Variants in MYO7A observed in about 807,000 individuals in gnomAD.
MYO7A encodes unconventional myosin-VIIa.
A neutral mutation model predicts 263.8 loss-of-function variants in MYO7A; 210 were observed. The ratio of observed to expected loss-of-function variants is 0.80; its 90% confidence interval spans 0.71 to 0.89. MYO7A has a LOEUF of 0.89. MYO7A is among the 40% of genes least tolerant of loss of function. The pLI, the probability that MYO7A is intolerant of heterozygous loss-of-function variation, is 0.00. For synonymous variants in MYO7A, 1,239 were observed against 1,197.3 expected, an observed-to-expected ratio of 1.03 and a Z score of -0.72; for missense variants, 2,820 against 2,968.3, an observed-to-expected ratio of 0.95 and a Z score of 1.16.
rs796678537 is a variant in MYO7A at position 77,199,478 on chromosome 11, G to A, written c.4569-57G>A. On this transcript the variant is annotated intron_variant, in intron 34 of 48. Coordinates refer to ENST00000409709, the MANE Select transcript of MYO7A (RefSeq NM_000260.4). ...TTAGCCTGAGATGTGTCTGAGCTGG[G>A]CCACGTCTCCCACTGGTTGGGGCAT... is the stretch of plus-strand genomic sequence containing the variant. 9.1e-6 allele frequency: 13 copies of A among 1,432,946 alleles called. No homozygotes were observed. The African/African-American group carries it at 1.7e-4, about 19-fold the overall frequency. The allele number at this position is 1,432,946 out of a possible 1,614,324, so 88.8% of individuals were successfully genotyped here. A position where few individuals can be genotyped will look rare whatever the true frequency, so the allele number is the denominator to read the frequency against.
At position 77,161,125 on chromosome 11, in the gene MYO7A, G is replaced by A. The variant is rs1555068511; in HGVS notation, c.1343+10G>A. 1 of 1,613,580 alleles carries A rather than the reference G, an allele frequency of 6.2e-7. No homozygotes were observed. Among genetic ancestry groups the A allele is most frequent in the South Asian group, 1.1e-5 (1 of 91,056 alleles). On this transcript the variant is annotated intron_variant, in intron 12 of 48. Transcript: ENST00000409709. ...ACTTTGCTGTGAACAGGTACCGCGT[G>A]GGGCTCTGCTCATGGGAATTTCCTT...
In MYO7A at chr11:77,130,701, C is replaced by A. The variant is rs782194763; in HGVS notation, c.18+49C>A. 5 of 1,602,674 alleles carry A rather than the reference C, an allele frequency of 3.1e-6. No homozygotes were observed. In the African/African-American group the frequency reaches 4.0e-5, roughly 13 times the overall value. Reference sequence around the variant, plus strand: ...TGGCCTGTCCTCCCCAGGCCATATCCCCTCATCCATATGCTTACCCGTGGG... The same window carrying A: ...TGGCCTGTCCTCCCCAGGCCATATCACCTCATCCATATGCTTACCCGTGGG... On this transcript the variant is annotated intron_variant, in intron 2 of 48. Transcript: ENST00000409709.
chr11:77,190,786 C>T lies in MYO7A; in HGVS notation c.3840C>T (p.Ala1280=), dbSNP rs1238396919. Residue 1280 remains alanine, a synonymous_variant, in exon 30 of 49, where the codon GCC becomes GCT. Coordinates refer to ENST00000409709, the MANE Select transcript of MYO7A (RefSeq NM_000260.4). ...TGCTGACGGACTCGGCAACCACGGC[C>T]AAGGAGCTCTGCAACGCGCTGGCCG... is the stretch of plus-strand genomic sequence containing the variant. ...KTLLTDSATT[A]KELCNALADK... is the part of the protein sequence containing the mutation. The T allele has an allele frequency of 3.1e-6, 5 of 1,596,666 alleles. No homozygotes were observed. Among genetic ancestry groups the T allele is most frequent in the Non-Finnish European group, 4.3e-6 (5 of 1,172,020 alleles).
intron 12 of MYO7A, among the ~76,000 whole-genome samples, chr11:77,161,578 G>A (rs151330670): frequency 1.5e-3 from 221 of 152,294 alleles, no homozygotes; most frequent in African/African-American, 5.0e-3. Flanking sequence ...TCAGGACCTG[G>A]CAAGTCATAT....
At chr11:77,154,007 C>T (rs1320104879) in intron 4 of MYO7A, among the ~76,000 whole-genome samples, 3 of 152,120 alleles carry the variant, frequency 2.0e-5, no homozygotes, top group South Asian at 4.1e-4. Flanking sequence ...CCCAGCTACT[C>T]GAGACGTGGA....
At chr11:77,134,848 T>C (rs144832176) in intron 2 of MYO7A, among the ~76,000 whole-genome samples, 1,940 of 150,706 alleles carry the variant, frequency 0.013, 51 homozygotes, top group African/African-American at 0.045. Flanking sequence ...AGTGGTGTGA[T>C]TTCAGCTCAC....
Position 77,184,692 on chromosome 11 carries a change from T to G in MYO7A, c.3480T>G (p.Asn1160Lys). Residue 1160 changes from asparagine to lysine, a missense_variant, in exon 27 of 49, where the codon AAT becomes AAG. Coordinates refer to ENST00000409709, the MANE Select transcript of MYO7A (RefSeq NM_000260.4). Reference sequence around the variant, plus strand: ...AGAAGCTGCACTTCATCATCGGCAATGGCATCCTGCGGCCAGCACTCCGGT... The same window carrying G: ...AGAAGCTGCACTTCATCATCGGCAAGGGCATCCTGCGGCCAGCACTCCGGT... ...NLEKLHFIIG[N>K]GILRPALRDE... The G allele has an allele frequency of 6.2e-7, 1 of 1,600,176 alleles. No individual in the cohort carries two copies. The highest frequency in any genetic ancestry group is 1.7e-4 in the Middle Eastern group (1 of 6,054).
At chr11:77,148,986 G>A (rs1409441360) in intron 4 of MYO7A, among the ~76,000 whole-genome samples, 3 of 152,340 alleles carry the variant, frequency 2.0e-5, no homozygotes, top group Admixed American at 6.5e-5. Flanking sequence ...AGTTGGAAAA[G>A]AGATGGCTTT....
chr11:77,136,278 C>T (rs1343778471), intron 2 of MYO7A, among the ~76,000 whole-genome samples: 1 of 152,142 alleles, frequency 6.6e-6, no homozygotes, highest in Non-Finnish European at 1.5e-5. Flanking sequence ...ACTAACGATT[C>T]GTTGTATAGA....
intron 47 of MYO7A, 46 bp from the exon 48 acceptor site, chr11:77,213,814 C>T (rs1958008576): frequency 2.5e-6 from 4 of 1,613,354 alleles, no homozygotes; most frequent in South Asian, 2.2e-5. Context: ...CAAGTGAGGC[C>T]ACAGGGCCCA....
chr11:77,149,234 A>C (rs1290905891), intron 4 of MYO7A, among the ~76,000 whole-genome samples: 7 of 149,662 alleles, frequency 4.7e-5, no homozygotes, highest in South Asian at 2.1e-4. Context: ...AGCAGGAGGG[A>C]CCCCCCTGAT....
At chr11:77,180,048 T>C (rs886542377) in intron 21 of MYO7A, 95 bp downstream of exon 21, 54 of 1,293,716 alleles carry the variant, frequency 4.2e-5, no homozygotes, top group African/African-American at 8.8e-5. Flanking sequence ...GTGGGACCTA[T>C]AGGGGGGACC....
intron 26 of MYO7A, among the ~76,000 whole-genome samples, chr11:77,183,584 C>T (rs1209770882): frequency 7.9e-5 from 12 of 152,210 alleles, no homozygotes; most frequent in African/African-American, 2.9e-4. Flanking sequence ...TTTGCCTTTT[C>T]TGGGCACTGT....
In MYO7A at chr11:77,182,596, G is replaced by A; in HGVS notation, c.3281G>A (p.Gly1094Asp). 3.1e-6 allele frequency: 5 copies of A among 1,612,932 alleles called. No homozygotes were observed. Among genetic ancestry groups the A allele is most frequent in the Non-Finnish European group, 4.2e-6 (5 of 1,179,842 alleles). The change falls in exon 25 of 49, where the codon GGC (glycine) becomes GAC (aspartate). Residue 1094 changes from glycine (G) to aspartate (D), a missense_variant. Gly to Asp is a moderately conservative substitution (Grantham distance 94). Transcript: ENST00000409709. ...KRELQALQGE[G>D]EAQLPEGQKK... is the part of the protein sequence containing the mutation. ...GAGCTGCAGGCCCTGCAGGGCGAGGGCGAGGTGAGGCCAAGGTGCCCTCTG... is the reference window on the plus strand; with the variant it reads ...GAGCTGCAGGCCCTGCAGGGCGAGGACGAGGTGAGGCCAAGGTGCCCTCTG...
rs782566244 is a variant in MYO7A, at chr11:77,182,412, G to C, written c.3109-12G>C. The C allele has an allele frequency of 3.1e-6, 5 of 1,608,312 alleles. No individual in the cohort carries two copies. The East Asian group carries it at 1.1e-4, about 36-fold the overall frequency. ...CTCCGCTCTGGCCTCTGACATGCGC[G>C]CTCTGCCCCAGGCAGCCCTGGCGGT... On this transcript the variant is annotated splice_polypyrimidine_tract_variant and intron_variant, in intron 24 of 48. Coordinates refer to ENST00000409709, the MANE Select transcript of MYO7A (RefSeq NM_000260.4).
chr11:77,166,264 C>T (rs1469371898), intron 15 of MYO7A, 102 bp downstream of exon 15: 26 of 991,950 alleles, frequency 2.6e-5, no homozygotes, highest in Non-Finnish European at 3.8e-5. Flanking sequence ...GCCCCCTGGC[C>T]ACATAATGGG....
Position 77,213,874 on chromosome 11 carries a change from T to C in MYO7A, c.6453T>C (p.Thr2151=), listed in dbSNP as rs1303693809. 4.3e-6 allele frequency: 7 copies of C among 1,613,890 alleles called. No homozygotes were observed. Among genetic ancestry groups the C allele is most frequent in the Admixed American group, 1.7e-5 (1 of 60,010 alleles). ...TGCTCCCCCAGGATATCCTCACCACTCATCCCTTCACCAAGATCTCCAACT... is the reference window on the plus strand; with the variant it reads ...TGCTCCCCCAGGATATCCTCACCACCCATCCCTTCACCAAGATCTCCAACT... ...IDPKTKDILT[T]HPFTKISNWS... is the part of the protein sequence containing the mutation. Residue 2151 remains threonine (T), a synonymous_variant, in exon 48 of 49, where the codon ACT becomes ACC. Coordinates refer to ENST00000409709, the MANE Select transcript of MYO7A (RefSeq NM_000260.4).
rs185901651 is a variant in MYO7A at position 77,159,178 on chromosome 11, A to G, written c.1004-269A>G. The stretch of plus-strand genomic sequence containing the variant: ...CCCTGGGAGTGGGGAGAGAGCTGCA[A>G]TGGCCAGTGTCTATTCCTCGAATGC... On this transcript the variant is annotated intron_variant, in intron 9 of 48. Coordinates refer to ENST00000409709, the MANE Select transcript of MYO7A (RefSeq NM_000260.4). Among the ~76,000 whole-genome samples, 6 of 152,318 alleles carry G rather than the reference A, an allele frequency of 3.9e-5. No homozygotes were observed. The East Asian group carries it at 1.2e-3, about 29-fold the overall frequency.
chr11:77,215,068 C>A lies in MYO7A; in HGVS notation c.*372C>A. ...GAGGAATCAAGAGGACAATCTAGCT[C>A]TCCATACTTTGAACAACCAAATGTG... On this transcript the variant is annotated 3_prime_UTR_variant, in exon 49 of 49. Coordinates refer to ENST00000409709, the MANE Select transcript of MYO7A (RefSeq NM_000260.4). 1 of 234,534 alleles carries A rather than the reference C, an allele frequency of 4.3e-6. No individual in the cohort carries two copies. Among genetic ancestry groups the A allele is most frequent in the Non-Finnish European group, 8.4e-6 (1 of 119,664 alleles). The allele number at this position is 234,534 out of a possible 1,614,324, so 14.5% of individuals were successfully genotyped here.
Sources: gnomAD v4.1 joint callset for allele counts (sites outside exome capture counted in the v4.1 genomes callset) on GRCh38, gnomAD v4.1.1 for gene constraint, MANE v1.5 for transcripts, NCBI Gene and HGNC (gene_info 2026-07-23, HGNC 2026-07-21) for gene names.